ARB2A: variants seen among roughly 807,000 people sequenced by gnomAD.
ARB2A encodes the protein cotranscriptional regulator ARB2A.
At chr5:93,889,749 T>A in the ARB2A span, among the ~76,000 whole-genome samples, 1 of 151,892 alleles carries the variant, frequency 6.6e-6, no homozygotes, top group African/African-American at 2.4e-5. Context: ...CCCTTTGGTA[T>A]ACATGAAACA....
the ARB2A span, among the ~76,000 whole-genome samples, chr5:94,019,643 G>C: frequency 6.6e-6 from 1 of 152,196 alleles, no homozygotes; most frequent in African/African-American, 2.4e-5. Context: ...AGATCCTGGA[G>C]AGGATGTGGA....
chr5:93,767,802 G>A, the ARB2A span, among the ~76,000 whole-genome samples: 179 of 151,802 alleles, frequency 1.2e-3, no homozygotes, highest in African/African-American at 4.1e-3. Context: ...AGACCATCCT[G>A]GCTAACACGG....
At chr5:94,003,978 T>C in the ARB2A span, among the ~76,000 whole-genome samples, 4 of 152,338 alleles carry the variant, frequency 2.6e-5, no homozygotes, top group East Asian at 3.9e-4. Context: ...GTGGTACTGG[T>C]AGAATGACAG....
chr5:93,803,521 T>C, the ARB2A span, among the ~76,000 whole-genome samples: 8 of 147,362 alleles, frequency 5.4e-5, no homozygotes, highest in South Asian at 2.1e-4. Context: ...CATGAACACA[T>C]AGAGGGGAAC....
the ARB2A span, among the ~76,000 whole-genome samples, chr5:94,079,367 C>T: frequency 2.6e-5 from 4 of 152,124 alleles, no homozygotes; most frequent in Non-Finnish European, 5.9e-5. Flanking sequence ...TATCCATTAT[C>T]TGATTAGGTC....
the ARB2A span, among the ~76,000 whole-genome samples, chr5:93,665,577 C>A: frequency 1.3e-5 from 2 of 152,076 alleles, no homozygotes; most frequent in Non-Finnish European, 2.9e-5. Flanking sequence ...CAAGAAAACC[C>A]AAACCAATTT....
the ARB2A span, among the ~76,000 whole-genome samples, chr5:93,633,678 A>C: frequency 1.3e-5 from 2 of 152,212 alleles, no homozygotes; most frequent in Non-Finnish European, 2.9e-5. Flanking sequence ...GACAAAAGCA[A>C]ATCGCAAGGA....
chr5:93,876,257 C>T, the ARB2A span, among the ~76,000 whole-genome samples: 2 of 152,114 alleles, frequency 1.3e-5, no homozygotes, highest in African/African-American at 4.8e-5. Flanking sequence ...TCTGTTTTCA[C>T]TCTTGAATTC....
At chr5:94,088,262 T>C in the ARB2A span, among the ~76,000 whole-genome samples, 10 of 152,338 alleles carry the variant, frequency 6.6e-5, no homozygotes, top group Non-Finnish European at 1.0e-4. Flanking sequence ...ACTAGTATTT[T>C]GAGTAAAAAT....
chr5:93,825,586 T>C, the ARB2A span, among the ~76,000 whole-genome samples: 1 of 152,178 alleles, frequency 6.6e-6, no homozygotes, highest in African/African-American at 2.4e-5. Context: ...TATTTCTTAG[T>C]GCCTTGAATG....
chr5:93,710,092 G>A, the ARB2A span, among the ~76,000 whole-genome samples: 1 of 152,146 alleles, frequency 6.6e-6, no homozygotes, highest in Non-Finnish European at 1.5e-5. Flanking sequence ...CAGTAACACA[G>A]TAAAGACAAC....
At chr5:93,992,167 C>A in the ARB2A span, among the ~76,000 whole-genome samples, 1 of 152,154 alleles carries the variant, frequency 6.6e-6, no homozygotes, top group Non-Finnish European at 1.5e-5. Flanking sequence ...TACATACATT[C>A]AAATTATCCT....
At chr5:93,765,132 C>T in the ARB2A span, among the ~76,000 whole-genome samples, 181 of 152,242 alleles carry the variant, frequency 1.2e-3, no homozygotes, top group African/African-American at 4.1e-3. Flanking sequence ...GCAAAACTGG[C>T]GTAAGACAGG....
the ARB2A span, among the ~76,000 whole-genome samples, chr5:94,002,886 T>A: frequency 2.6e-5 from 4 of 152,150 alleles, no homozygotes; most frequent in East Asian, 7.7e-4. Flanking sequence ...AGCGGGTAGA[T>A]AAGAAGATAA....
chr5:93,790,191 T>C, the ARB2A span, among the ~76,000 whole-genome samples: 2 of 152,300 alleles, frequency 1.3e-5, no homozygotes, highest in Admixed American at 1.3e-4. Flanking sequence ...CAAATCCCCG[T>C]AAGTCATAGG....
the ARB2A span, among the ~76,000 whole-genome samples, chr5:94,094,554 C>A: frequency 6.6e-6 from 1 of 152,138 alleles, no homozygotes; most frequent in South Asian, 2.1e-4. Context: ...TAGGGACATT[C>A]GTATTATAAT....
At chr5:93,708,944 T>C in the ARB2A span, among the ~76,000 whole-genome samples, 1 of 152,174 alleles carries the variant, frequency 6.6e-6, no homozygotes, top group Non-Finnish European at 1.5e-5. Flanking sequence ...GGGGATCTAA[T>C]GTACACTATG....
the ARB2A span, among the ~76,000 whole-genome samples, chr5:93,684,120 C>G: frequency 3.4e-4 from 52 of 152,302 alleles, no homozygotes; most frequent in Admixed American, 1.0e-3. Flanking sequence ...GGGCCTAGGA[C>G]TGTGCCTGGC....
the ARB2A span, among the ~76,000 whole-genome samples, chr5:94,027,783 A>G: frequency 6.6e-6 from 1 of 152,202 alleles, no homozygotes; most frequent in Non-Finnish European, 1.5e-5. Flanking sequence ...CTAGCAAATT[A>G]AACCCAACGA....
Sources: allele counts gnomAD v4.1 joint callset (sites outside exome capture counted in the v4.1 genomes callset), GRCh38; gene constraint gnomAD v4.1.1; transcripts MANE v1.5; gene names NCBI Gene and HGNC (gene_info 2026-07-23, HGNC 2026-07-21).